Variants in KRT32 observed in about 807,000 individuals in gnomAD.
KRT32 encodes keratin 32.
A neutral mutation model predicts 41.8 loss-of-function variants in KRT32; 44 were observed. The observed-to-expected ratio is 1.05, with a 90% CI of 0.83 to 1.35. KRT32 has a LOEUF of 1.35. Among genes scored for constraint, KRT32 ranks in the 40% most tolerant of loss-of-function variants. The pLI, the probability that KRT32 is intolerant of heterozygous loss-of-function variation, is 0.00. For missense variants in KRT32, 576 were observed against 584.6 expected, an observed-to-expected ratio of 0.99 and a Z score of 0.15; for synonymous variants, 238 against 242.5, an observed-to-expected ratio of 0.98 and a Z score of 0.17.
Position 41,459,846 on chromosome 17 carries a change from T to G in KRT32, c.*264A>C. The G allele has an allele frequency of 3.3e-6, 1 of 307,234 alleles. No individual in the cohort carries two copies. Among genetic ancestry groups the G allele is most frequent in the Non-Finnish European group, 6.0e-6 (1 of 165,308 alleles). The allele number at this position is 307,234 out of a possible 1,614,324, so 19.0% of individuals were successfully genotyped here. A position where few individuals can be genotyped will look rare whatever the true frequency, so the allele number is the denominator to read the frequency against. The stretch of plus-strand genomic sequence containing the variant: ...CACTGAGTACAGCTCTATTTGCCAG[T>G]TAACTAAGAACACACGCTCTTTGAG... On this transcript the variant is annotated 3_prime_UTR_variant, in exon 7 of 7. Coordinates refer to ENST00000225899, the MANE Select transcript of KRT32 (RefSeq NM_002278.3).
At chr17:41,465,694 C>G in intron 3 of KRT32, 79 bp downstream of exon 3, 1 of 1,453,052 alleles carries the variant, frequency 6.9e-7, no homozygotes, top group Non-Finnish European at 9.4e-7. Context: ...GAATTTCAAC[C>G]CACGCCTATC....
intron 6 of KRT32, among the ~76,000 whole-genome samples, chr17:41,462,576 C>A (rs939322036): frequency 1.3e-5 from 2 of 152,234 alleles, no homozygotes; most frequent in East Asian, 3.8e-4. Context: ...CTCCATAGCA[C>A]CTGCCCCATG....
At chr17:41,463,303 C>T (rs1480710617) in intron 5 of KRT32, among the ~76,000 whole-genome samples, 1 of 152,230 alleles carries the variant, frequency 6.6e-6, no homozygotes, top group Non-Finnish European at 1.5e-5. Flanking sequence ...CTTTGTCTGC[C>T]TTCAGGATTG....
chr17:41,463,189 C>A, intron 5 of KRT32, 139 bp from the exon 6 acceptor site: 2 of 623,090 alleles, frequency 3.2e-6, no homozygotes, highest in Non-Finnish European at 5.0e-6. Flanking sequence ...AAACGGAAGC[C>A]CAGAAAGGTC....
At chr17:41,462,718 A>G in intron 6 of KRT32, 112 bp downstream of exon 6, 1 of 1,170,350 alleles carries the variant, frequency 8.5e-7, no homozygotes, top group Non-Finnish European at 1.2e-6. Flanking sequence ...ATGGCTCCAT[A>G]GTCAGGACAG....
rs57682233 is a variant in KRT32 at position 41,464,125 on chromosome 17, G to A, written c.949C>T (p.Arg317Cys). 7.8e-4 allele frequency: 1,260 copies of A among 1,612,778 alleles called. 10 individuals carry two copies. The African/African-American group carries it at 0.015, about 20-fold the overall frequency. Residue 317 changes from arginine (R) to cysteine (C), a missense_variant, in exon 5 of 7, where the codon CGC becomes TGC. By Grantham distance (180) the Arg-to-Cys change is radical. Coordinates refer to ENST00000225899, the MANE Select transcript of KRT32 (RefSeq NM_002278.3). ...TCGATCTCCAGCGTGTTGACCGTGC[G>A]TCTCAGGTCAATGATGTCTGACTGG... The part of the protein sequence containing the change: ...NYQSDIIDLR[R>C]TVNTLEIELQ...
In KRT32 at chr17:41,464,389, C is replaced by A; in HGVS notation, c.763G>T (p.Ala255Ser). Residue 255 changes from alanine (A) to serine (S), a missense_variant, in exon 4 of 7, where the codon GCT becomes TCT. Coordinates refer to ENST00000225899, the MANE Select transcript of KRT32 (RefSeq NM_002278.3). ...LGDRLNIEVD[A>S]APPVDLTRVL... ...CTGGTCAGGTCCACCGGGGGTGCAG[C>A]GTCCACCTCGATGTTAAGGCGGTCC... is the stretch of plus-strand genomic sequence containing the variant. 6.2e-7 allele frequency: 1 copy of A among 1,607,642 alleles called. No individual in the cohort carries two copies. Among genetic ancestry groups the A allele is most frequent in the Non-Finnish European group, 8.5e-7 (1 of 1,176,606 alleles).
chr17:41,461,443 C>A (rs140146981), intron 6 of KRT32, among the ~76,000 whole-genome samples: 88 of 152,350 alleles, frequency 5.8e-4, no homozygotes, highest in Non-Finnish European at 1.0e-3. Flanking sequence ...GCTCAGAGAA[C>A]CAATGGGAGG....
chr17:41,460,192 G>T lies in KRT32; in HGVS notation c.1265C>A (p.Pro422His). The part of the protein sequence containing the change: ...CSTPSCTTCV[P>H]SPCVPRTVCV... ...GACGGTGCGGGGCACGCATGGGGAG[G>T]GCACACAGGTGGTGCAGGAAGGAGT... Residue 422 changes from proline (P) to histidine (H), a missense_variant, in exon 7 of 7, where the codon CCC becomes CAC. Coordinates refer to ENST00000225899, the MANE Select transcript of KRT32 (RefSeq NM_002278.3). 6.2e-7 allele frequency: 1 copy of T among 1,611,972 alleles called. No homozygotes were observed. Among genetic ancestry groups the T allele is most frequent in the Non-Finnish European group, 8.5e-7 (1 of 1,178,992 alleles).
chr17:41,467,380 T>A lies in KRT32; in HGVS notation c.-55A>T, dbSNP rs1171408897. ...GCTACCTGGATGTCTACAGACCCCA[T>A]GCCGCCCGGGCCATTTTATGCCCTT... On this transcript the variant is annotated 5_prime_UTR_variant, in exon 1 of 7. The change abolishes an upstream ATG in the 5' untranslated region. Transcript: ENST00000225899. 4.4e-6 allele frequency: 6 copies of A among 1,357,824 alleles called. No homozygotes were observed. The highest frequency in any genetic ancestry group is 4.7e-5 in the East Asian group (2 of 42,248). The allele number at this position is 1,357,824 out of a possible 1,614,324, so 84.1% of individuals were successfully genotyped here. A position where few individuals can be genotyped will look rare whatever the true frequency, so the allele number is the denominator to read the frequency against.
In KRT32 at chr17:41,465,761, T is replaced by A; in HGVS notation, c.708+12A>T. 1 of 1,605,986 alleles carries A rather than the reference T, an allele frequency of 6.2e-7. No homozygotes were observed. Among genetic ancestry groups the A allele is most frequent in the Middle Eastern group, 2.1e-4 (1 of 4,818 alleles). On this transcript the variant is annotated intron_variant, in intron 3 of 6. Transcript: ENST00000225899. Reference sequence around the variant, plus strand: ...CTTCCCGGGGCCACTTCAGCGGGACTTCCAGCCTCACCTCCTCATGGTTCT... The same window carrying A: ...CTTCCCGGGGCCACTTCAGCGGGACATCCAGCCTCACCTCCTCATGGTTCT...
Position 41,467,169 on chromosome 17 carries a change from G to A in KRT32, c.157C>T (p.Pro53Ser), listed in dbSNP as rs761662746. Residue 53 changes from proline to serine, a missense_variant, in exon 1 of 7, where the codon CCC becomes TCC. Transcript: ENST00000225899. Reference sequence around the variant, plus strand: ...CAGCTGGCTGGCCGGAAGGTGGTGGGCAGGCAGACCGAAGGCAGGCATGCC... The same window carrying A: ...CAGCTGGCTGGCCGGAAGGTGGTGGACAGGCAGACCGAAGGCAGGCATGCC... ...PMACLPSVCL[P>S]TTFRPASCLS... 3 of 1,614,080 alleles carry A rather than the reference G, an allele frequency of 1.9e-6. No individual in the cohort carries two copies. The highest frequency in any genetic ancestry group is 2.2e-5 in the South Asian group (2 of 91,084).
chr17:41,466,957 C>T lies in KRT32; in HGVS notation c.369G>A (p.Glu123=), dbSNP rs1278390342. ...RVRQLEQENA[E]LESRIQEASH... Reference sequence around the variant, plus strand: ...AGGCCTCTTGGATCCTGCTCTCCAGCTCCGCATTCTCCTGCTCCAGCTGCC... The same window carrying T: ...AGGCCTCTTGGATCCTGCTCTCCAGTTCCGCATTCTCCTGCTCCAGCTGCC... Residue 123 remains glutamate (E), a synonymous_variant, in exon 1 of 7, where the codon GAG becomes GAA. Transcript: ENST00000225899. 7 of 1,614,136 alleles carry T rather than the reference C, an allele frequency of 4.3e-6. No individual in the cohort carries two copies. The Admixed American group carries it at 1.0e-4, about 23-fold the overall frequency.
intron 3 of KRT32, 105 bp downstream of exon 3, chr17:41,465,668 C>T (rs979435975): frequency 8.3e-7 from 1 of 1,206,398 alleles, no homozygotes; most frequent in African/African-American, 1.5e-5. Context: ...ACTAAAACAA[C>T]ATGTGGCAGG....
rs774405198 is a variant in KRT32, at chr17:41,467,095, G to A, written c.231C>T (p.Ile77=). 1.6e-5 allele frequency: 26 copies of A among 1,614,128 alleles called. No homozygotes were observed. The Admixed American group carries it at 2.2e-4, about 13-fold the overall frequency. The change falls in exon 1 of 7, where the codon ATC becomes ATT. Residue 77 remains isoleucine, a synonymous_variant. Coordinates refer to ENST00000225899, the MANE Select transcript of KRT32 (RefSeq NM_002278.3). ...AGCTGCCGGGGCCCATGGAGCCGGA[G>A]ATGCCACTGGCTGCCTGGCAGGAAC... is the stretch of plus-strand genomic sequence containing the variant. The part of the protein sequence containing the change: ...LSSSCQAASG[I]SGSMGPGSWY...
At chr17:41,461,522 G>A (rs1014366794) in intron 6 of KRT32, among the ~76,000 whole-genome samples, 2 of 152,126 alleles carry the variant, frequency 1.3e-5, no homozygotes, top group African/African-American at 4.8e-5. Flanking sequence ...TTAATTTTTT[G>A]AAAATACTTA....
At chr17:41,460,884 A>G (rs780001970) in intron 6 of KRT32, among the ~76,000 whole-genome samples, 19 of 152,108 alleles carry the variant, frequency 1.2e-4, no homozygotes, top group Non-Finnish European at 2.4e-4. Context: ...AAATAAAGAA[A>G]AGCAGCTTCC....
chr17:41,462,015 C>G (rs1475660679), intron 6 of KRT32, among the ~76,000 whole-genome samples: 2 of 152,162 alleles, frequency 1.3e-5, no homozygotes, highest in Non-Finnish European at 2.9e-5. Flanking sequence ...TGCCTGGTTC[C>G]CCTCCCTCTA....
intron 1 of KRT32, 135 bp downstream of exon 1, chr17:41,466,723 A>C: frequency 1.5e-6 from 1 of 655,034 alleles, no homozygotes. Flanking sequence ...TGCTCAAATT[A>C]TAAAATAACC....
Sources: allele counts gnomAD v4.1 joint callset (sites outside exome capture counted in the v4.1 genomes callset), GRCh38; gene constraint gnomAD v4.1.1; transcripts MANE v1.5; gene names NCBI Gene and HGNC (gene_info 2026-07-23, HGNC 2026-07-21).